Variants in ZNF717 observed in about 807,000 individuals in gnomAD.
ZNF717 encodes the protein zinc finger protein 717, also known as krueppel-like factor X17.
In ZNF717, 9 loss-of-function variants were observed where a neutral mutation model predicts 13.8. The ratio of observed to expected loss-of-function variants is 0.65; its 90% CI spans 0.39 to 1.14. The LOEUF (loss-of-function observed/expected upper bound fraction) is 1.14. Among genes scored for constraint, ZNF717 ranks in the 50% most tolerant of loss-of-function variants. The pLI is 0.01. For missense variants in ZNF717, 1,040 were observed against 1,080.7 expected (o/e 0.96, Z 0.53); for synonymous variants, 327 against 364.1 (o/e 0.90, Z 1.16).
At chr3:75,770,490 G>A (rs977039670) in intron 2 of ZNF717, among the ~76,000 whole-genome samples, 2 of 152,188 alleles carry the variant, frequency 1.3e-5, no homozygotes, top group African/African-American at 4.8e-5. Context: ...AACCTGGGAG[G>A]TGGAGGCTGC....
At chr3:75,781,516 T>C (rs1944818161) in intron 2 of ZNF717, among the ~76,000 whole-genome samples, 1 of 152,190 alleles carries the variant, frequency 6.6e-6, no homozygotes, top group African/African-American at 2.4e-5. Flanking sequence ...AGACATTTTG[T>C]AATACCCAAA....
chr3:75,712,222 T>C (rs1175926698), intron 5 of ZNF717, among the ~76,000 whole-genome samples: 2 of 142,860 alleles, frequency 1.4e-5, no homozygotes, highest in Non-Finnish European at 3.1e-5. Flanking sequence ...GCAAATTAAA[T>C]AGATCTCAGA....
intron 2 of ZNF717, among the ~76,000 whole-genome samples, chr3:75,777,473 G>A (rs111702765): frequency 5.9e-5 from 9 of 151,644 alleles, no homozygotes; most frequent in African/African-American, 2.2e-4. Context: ...GGAGTGATGT[G>A]CTAAAACTGG....
chr3:75,749,192 C>T (rs1430403380), intron 2 of ZNF717, among the ~76,000 whole-genome samples: 2 of 151,198 alleles, frequency 1.3e-5, no homozygotes, highest in African/African-American at 4.9e-5. Context: ...AACACCATGG[C>T]GAGGGTCTGA....
chr3:75,779,939 C>T (rs1463063263), intron 2 of ZNF717, among the ~76,000 whole-genome samples: 1 of 151,490 alleles, frequency 6.6e-6, no homozygotes, highest in Non-Finnish European at 1.5e-5. Context: ...AAACTGGAAC[C>T]CAAAACAATG....
intron 2 of ZNF717, among the ~76,000 whole-genome samples, chr3:75,751,119 T>C (rs1941750534): frequency 6.6e-6 from 1 of 151,914 alleles, no homozygotes; most frequent in Non-Finnish European, 1.5e-5. Context: ...AGGGTCCGAA[T>C]GTTTGCCCTT....
chr3:75,781,350 T>C (rs970889799), intron 2 of ZNF717, among the ~76,000 whole-genome samples: 16 of 152,218 alleles, frequency 1.1e-4, no homozygotes, highest in African/African-American at 3.9e-4. Flanking sequence ...CTTTTGTCTA[T>C]AAATCTTCTT....
rs138712418 is a variant in ZNF717 at position 75,758,191 on chromosome 3, G to A, written c.58-16455C>T. On this transcript the variant is annotated intron_variant, in intron 2 of 4. Transcript: ENST00000652011. ...CAACCCTCACAGATGACACTGAGGG[G>A]TTCACGACTTCTGTGGAGGAAGTAA... Among the ~76,000 whole-genome samples, 867 of 150,434 alleles carry A rather than the reference G, an allele frequency of 5.8e-3. 8 individuals are homozygous for A. The highest frequency in any genetic ancestry group is 9.1e-3 in the Non-Finnish European group (613 of 67,272).
chr3:75,760,177 C>T (rs894214776), intron 2 of ZNF717, among the ~76,000 whole-genome samples: 10 of 152,104 alleles, frequency 6.6e-5, no homozygotes, highest in East Asian at 3.9e-4. Flanking sequence ...TACAGGCATC[C>T]GCCACCACAC....
chr3:75,782,890 T>A (rs574946651), intron 2 of ZNF717, among the ~76,000 whole-genome samples: 99 of 152,262 alleles, frequency 6.5e-4, no homozygotes, highest in African/African-American at 2.3e-3. Context: ...TAGCAGAAGA[T>A]GACCGTTTCC....
At chr3:75,719,924 C>T (rs375176236) in intron 4 of ZNF717, among the ~76,000 whole-genome samples, 6 of 151,512 alleles carry the variant, frequency 4.0e-5, no homozygotes, top group African/African-American at 1.5e-4. Context: ...TGCCATTGCA[C>T]TCCAGCCTGG....
intron 2 of ZNF717, among the ~76,000 whole-genome samples, chr3:75,767,488 C>A: frequency 6.6e-6 from 1 of 152,266 alleles, no homozygotes; most frequent in Admixed American, 6.5e-5. Context: ...GAAGCTACAA[C>A]ATGTGCCACA....
At chr3:75,709,007 C>CTTT (rs149575572), downstream of ZNF717, among the ~76,000 whole-genome samples, 2 of 143,170 alleles carry the variant, frequency 1.4e-5, no homozygotes. Flanking sequence ...TTTTTCTTTT[C>CTTT]TTTTTTTTTT....
At chr3:75,782,083 A>G (rs1381407036) in intron 2 of ZNF717, among the ~76,000 whole-genome samples, 2 of 152,146 alleles carry the variant, frequency 1.3e-5, no homozygotes, top group Non-Finnish European at 2.9e-5. Flanking sequence ...CTCGTCTCAA[A>G]GTGTGGCGTT....
At chr3:75,756,644 T>G (rs994319564) in intron 2 of ZNF717, among the ~76,000 whole-genome samples, 1 of 152,306 alleles carries the variant, frequency 6.6e-6, no homozygotes. Context: ...AAAATTCCAT[T>G]AAGCCTAAGC....
chr3:75,779,574 C>A (rs542137434), intron 2 of ZNF717, among the ~76,000 whole-genome samples: 2 of 135,476 alleles, frequency 1.5e-5, no homozygotes, highest in Admixed American at 7.4e-5. Flanking sequence ...ACGGGAGTGA[C>A]GTGCTAAAAC....
intron 2 of ZNF717, among the ~76,000 whole-genome samples, chr3:75,745,414 A>G (rs1363107509): frequency 1.3e-4 from 19 of 151,946 alleles, no homozygotes; most frequent in African/African-American, 4.4e-4. Flanking sequence ...GTACGCATAC[A>G]TTGTGAAAAG....
intron 2 of ZNF717, among the ~76,000 whole-genome samples, chr3:75,772,213 G>A (rs1315392081): frequency 2.1e-5 from 1 of 47,054 alleles, no homozygotes; most frequent in Non-Finnish European, 6.8e-5. Flanking sequence ...CCCCCTGCAG[G>A]TCTCCTCTGA....
Position 75,737,952 on chromosome 3 carries a change from G to T in ZNF717, c.1671C>A (p.His557Gln). The T allele has an allele frequency of 6.4e-7, 1 of 1,555,138 alleles. No homozygotes were observed. Among genetic ancestry groups the T allele is most frequent in the South Asian group, 1.2e-5 (1 of 84,238 alleles). ...KSYLTVHHRT[H>Q]TGEKPYECNE... ...TACATTCATAGGGTTTTTCCCCTGT[G>T]TGAGTTCTGTGATGTACTGTAAGGT... The change falls in exon 5 of 5, where the codon CAC (histidine) becomes CAA (glutamine). Residue 557 changes from histidine (H) to glutamine (Q), a missense_variant. Physicochemically the swap from His to Gln is conservative, Grantham distance 24. Around this residue, in one of 3 missense-constraint regions of ZNF717, gnomAD observed 873 missense variants for 832.8 expected, o/e 1.05. Coordinates refer to ENST00000652011, the MANE Select transcript of ZNF717 (RefSeq NM_001290208.3).
Sources: gnomAD v4.1 joint callset for allele counts (sites outside exome capture counted in the v4.1 genomes callset) on GRCh38, gnomAD v4.1.1 for gene constraint, gnomAD v4.1.1 regional missense constraint, MANE v1.5 for transcripts, NCBI Gene and HGNC (gene_info 2026-07-23, HGNC 2026-07-21) for gene names.